The following PHTF1 variants were observed in gnomAD, a reference collection of about 807,000 sequenced individuals.
PHTF1 encodes the protein putative homeodomain transcription factor 1.
PHTF1 carries 88 observed loss-of-function variants against 102.4 expected under a neutral mutation model. The ratio of observed to expected loss-of-function variants is 0.86; its 90% CI spans 0.72 to 1.03. PHTF1 has a LOEUF of 1.03. Ranked by LOEUF, PHTF1 falls within the 50% of genes least tolerant of loss-of-function variation. PHTF1 has a pLI of 0.00. For missense variants in PHTF1, 814 were observed against 909.5 expected (o/e 0.89, Z 1.35); for synonymous variants, 289 against 305.2 (o/e 0.95, Z 0.55).
At chr1:113,706,986 C>G (rs961863508) in intron 11 of PHTF1, among the ~76,000 whole-genome samples, 1 of 151,160 alleles carries the variant, frequency 6.6e-6, no homozygotes, top group Non-Finnish European at 1.5e-5. Flanking sequence ...ACCATAGGCA[C>G]ATACCACCAT....
At chr1:113,756,819 T>A (rs1658950592) in intron 3 of PHTF1, among the ~76,000 whole-genome samples, 2 of 152,140 alleles carry the variant, frequency 1.3e-5, no homozygotes, top group South Asian at 4.1e-4. Context: ...AAAATAAGAA[T>A]CCTCTCAGTT....
intron 7 of PHTF1, chr1:113,714,789 C>G (rs1191591200): frequency 6.6e-6 from 1 of 152,316 alleles, no homozygotes; most frequent in African/African-American, 2.4e-5. Context: ...AGGTGGTAGA[C>G]AGGCAAGTGG....
At chr1:113,744,948 C>T (rs1656986905) in intron 3 of PHTF1, among the ~76,000 whole-genome samples, 1 of 121,288 alleles carries the variant, frequency 8.2e-6, no homozygotes, top group South Asian at 2.5e-4. Context: ...GACTCTGTCT[C>T]GAAAGAAGGG....
chr1:113,758,933 A>C, intron 1 of PHTF1, 90 bp downstream of exon 1: 2 of 1,060,420 alleles, frequency 1.9e-6, no homozygotes, highest in East Asian at 7.8e-5. Flanking sequence ...ATATCGGGCG[A>C]GCGTGTTCGT....
intron 3 of PHTF1, among the ~76,000 whole-genome samples, chr1:113,744,105 G>A (rs551849843): frequency 6.6e-6 from 1 of 152,314 alleles, no homozygotes; most frequent in African/African-American, 2.4e-5. Flanking sequence ...CAGCAGCCCA[G>A]GAAAAGATTG....
intron 5 of PHTF1, among the ~76,000 whole-genome samples, chr1:113,736,876 C>T (rs1655579193): frequency 6.6e-6 from 1 of 152,178 alleles, no homozygotes. Context: ...TCCTGTAGGG[C>T]ATTATAGGCC....
intron 3 of PHTF1, among the ~76,000 whole-genome samples, chr1:113,745,404 A>C (rs1657070770): frequency 1.3e-5 from 2 of 152,192 alleles, no homozygotes; most frequent in African/African-American, 2.4e-5. Context: ...TAGAAAGTTA[A>C]AAAACCTACC....
Position 113,699,745 on chromosome 1 carries a change from G to A in PHTF1, c.2101C>T (p.Leu701=). The A allele has an allele frequency of 1.4e-6, 2 of 1,469,100 alleles. No individual in the cohort carries two copies. The highest frequency in any genetic ancestry group is 1.9e-6 in the Non-Finnish European group (2 of 1,059,784). The allele number at this position is 1,469,100 out of a possible 1,614,324, so 91.0% of individuals were successfully genotyped here. Residue 701 remains leucine (L), a synonymous_variant, in exon 17 of 19, where the codon CTA becomes TTA. Transcript: ENST00000369604. ...KKPNKKEQLT[L]VNNVLKLSTK... ...GACAGCTTTAATACATTGTTTACTA[G>A]AGTAAGCTGTTCTTTCTTATTTGGC...
intron 5 of PHTF1, among the ~76,000 whole-genome samples, chr1:113,732,474 C>CAACA (rs746861031): frequency 4.6e-5 from 7 of 152,016 alleles, no homozygotes; most frequent in African/African-American, 9.7e-5. Context: ...CCAGTCTGGG[C>CAACA]AACAGAGTGA....
At chr1:113,732,364 C>T (rs1654792932) in intron 5 of PHTF1, among the ~76,000 whole-genome samples, 1 of 152,056 alleles carries the variant, frequency 6.6e-6, no homozygotes, top group Non-Finnish European at 1.5e-5. Flanking sequence ...GGCGTAGTGG[C>T]ATACGCCTGT....
chr1:113,703,931 A>G (rs912236466), intron 15 of PHTF1, 150 bp downstream of exon 15: 2 of 512,796 alleles, frequency 3.9e-6, no homozygotes, highest in African/African-American at 3.8e-5. Flanking sequence ...CCATTTTGAA[A>G]AGTTAGAAAA....
chr1:113,727,945 A>C (rs1056668164), intron 5 of PHTF1, among the ~76,000 whole-genome samples: 15 of 152,046 alleles, frequency 9.9e-5, no homozygotes, highest in African/African-American at 3.6e-4. Context: ...TGCACTCCAG[A>C]CTGGGCAACA....
chr1:113,753,297 A>G (rs1210103194), intron 3 of PHTF1, among the ~76,000 whole-genome samples: 1 of 152,116 alleles, frequency 6.6e-6, no homozygotes, highest in African/African-American at 2.4e-5. Context: ...TTCCTTCTCT[A>G]TTTTCTGAAA....
At chr1:113,717,422 G>A (rs74655032) in intron 7 of PHTF1, among the ~76,000 whole-genome samples, 1 of 151,902 alleles carries the variant, frequency 6.6e-6, no homozygotes, top group African/African-American at 2.4e-5. Context: ...AAAAGACATA[G>A]AGTGGCTTAA....
At chr1:113,706,241 T>C in intron 12 of PHTF1, 79 bp from the exon 13 acceptor site, 1 of 1,197,658 alleles carries the variant, frequency 8.3e-7, no homozygotes, top group South Asian at 1.5e-5. Context: ...AAACACTATT[T>C]AGACTATTAA....
At chr1:113,718,840 G>T (rs1479954931) in intron 7 of PHTF1, among the ~76,000 whole-genome samples, 2 of 152,150 alleles carry the variant, frequency 1.3e-5, no homozygotes, top group Admixed American at 6.5e-5. Flanking sequence ...TTTCCTCCTA[G>T]GCCTCCAGGC....
intron 3 of PHTF1, among the ~76,000 whole-genome samples, chr1:113,746,030 G>C (rs923997466): frequency 3.3e-5 from 5 of 152,068 alleles, no homozygotes; most frequent in Non-Finnish European, 7.4e-5. Flanking sequence ...TACAATCTCT[G>C]TCACAACCAC....
intron 3 of PHTF1, among the ~76,000 whole-genome samples, chr1:113,741,792 G>T (rs1357839175): frequency 1.3e-5 from 2 of 152,082 alleles, no homozygotes; most frequent in African/African-American, 4.8e-5. Flanking sequence ...GTATAGAAGG[G>T]AAGACAAACA....
intron 5 of PHTF1, among the ~76,000 whole-genome samples, chr1:113,728,532 A>C (rs1654176188): frequency 6.6e-6 from 1 of 152,238 alleles, no homozygotes; most frequent in African/African-American, 2.4e-5. Flanking sequence ...ACTATGAAGA[A>C]CAGCTTGGAG....
Sources: gnomAD v4.1 joint callset for allele counts (sites outside exome capture counted in the v4.1 genomes callset) on GRCh38, gnomAD v4.1.1 for gene constraint, MANE v1.5 for transcripts, NCBI Gene and HGNC (gene_info 2026-07-23, HGNC 2026-07-21) for gene names.